Variants in PTPN12 observed in about 807,000 individuals in gnomAD.
PTPN12 encodes tyrosine-protein phosphatase non-receptor type 12.
A neutral mutation model predicts 97.6 loss-of-function variants in PTPN12; 29 were observed. The observed-to-expected ratio is 0.30, with a 90% CI of 0.22 to 0.41. The LOEUF (loss-of-function observed/expected upper bound fraction) is 0.41, where lower values mean the gene tolerates loss of function less well. Among genes scored for constraint, PTPN12 ranks in the 10% least tolerant of loss-of-function variants. The pLI is 1.00. For missense variants in PTPN12, 819 were observed against 926.0 expected, an observed-to-expected ratio of 0.88 and a Z score of 1.50; for synonymous variants, 327 against 300.4, an observed-to-expected ratio of 1.09 and a Z score of -0.91.
chr7:77,639,868 TAC>T lies in PTPN12; in HGVS notation c.*590_*591del, dbSNP rs1188832257. 5 of 152,724 alleles carry T rather than the reference TAC, an allele frequency of 3.3e-5. No individual in the cohort carries two copies. Among genetic ancestry groups the T allele is most frequent in the Non-Finnish European group, 7.3e-5 (5 of 68,076 alleles). The allele number at this position is 152,724 out of a possible 1,614,324, so 9.5% of individuals were successfully genotyped here. Reference sequence around the variant, plus strand: ...AGCAAAAAGTTATTTTTATATTATATACAGTCTAATTGTTCATCCTAATTGTT... The same window carrying T: ...AGCAAAAAGTTATTTTTATATTATATAGTCTAATTGTTCATCCTAATTGTT... On this transcript the variant is annotated 3_prime_UTR_variant, in exon 18 of 18. Transcript: ENST00000248594.
chr7:77,637,115 A>C, intron 16 of PTPN12, 67 bp downstream of exon 16: 1 of 1,279,194 alleles, frequency 7.8e-7, no homozygotes, highest in Admixed American at 1.9e-5. Context: ...ACAAAATAAC[A>C]TGCTTCATAG....
chr7:77,592,337 G>A, intron 6 of PTPN12, 81 bp downstream of exon 6: 1 of 1,224,788 alleles, frequency 8.2e-7, no homozygotes, highest in Non-Finnish European at 1.2e-6. Flanking sequence ...AATGTGGTAT[G>A]AACCCAGGCT....
chr7:77,634,539 A>G (rs1419252819), intron 14 of PTPN12, among the ~76,000 whole-genome samples: 3 of 151,150 alleles, frequency 2.0e-5, no homozygotes, highest in East Asian at 2.0e-4. Context: ...TCTTGGGTTC[A>G]TGCCATTCTC....
intron 1 of PTPN12, chr7:77,538,013 G>T (rs1806747362): frequency 9.8e-7 from 1 of 1,025,410 alleles, no homozygotes. Context: ...ACCTCCCCGC[G>T]CAGTTCGCTC....
chr7:77,575,222 G>A lies in PTPN12; in HGVS notation c.208+4036G>A, dbSNP rs1354100715. 2.6e-5 allele frequency among the ~76,000 whole-genome samples: 4 copies of A among 152,144 alleles called. No homozygotes were observed. In the South Asian group the frequency reaches 8.3e-4, roughly 32 times the overall value. On this transcript the variant is annotated intron_variant, in intron 2 of 17. Transcript: ENST00000248594. The stretch of plus-strand genomic sequence containing the variant: ...TTTAATTCATTGCCCGGGCACAGTG[G>A]CTCATGCATGTAATCCCAGCACTTT...
At chr7:77,635,003 G>C (rs752463839) in intron 14 of PTPN12, among the ~76,000 whole-genome samples, 11 of 151,910 alleles carry the variant, frequency 7.2e-5, no homozygotes, top group South Asian at 4.2e-4. Context: ...GGCATACACC[G>C]TCACTCCCAA....
At chr7:77,626,025 C>A (rs1789168204) in intron 12 of PTPN12, among the ~76,000 whole-genome samples, 1 of 152,140 alleles carries the variant, frequency 6.6e-6, no homozygotes, top group South Asian at 2.1e-4. Context: ...AACCAGTAGT[C>A]CACACTGGAG....
At chr7:77,564,749 T>TTTTTTTTTTG (rs1808171664) in intron 1 of PTPN12, among the ~76,000 whole-genome samples, 1 of 67,318 alleles carries the variant, frequency 1.5e-5, no homozygotes, top group African/African-American at 7.1e-5. Flanking sequence ...TTGTCGTGTT[T>TTTTTTTTTTG]TTTTTTTTTT....
intron 12 of PTPN12, among the ~76,000 whole-genome samples, chr7:77,619,300 A>G (rs1256022440): frequency 6.6e-6 from 1 of 152,178 alleles, no homozygotes; most frequent in East Asian, 1.9e-4. Flanking sequence ...TTTATACAGG[A>G]TACACCAATT....
chr7:77,621,616 C>T lies in PTPN12; in HGVS notation c.1025+3051C>T, dbSNP rs371650354. ...CCCGGGAAGTGGAGGTTGCAGTGAG[C>T]CAAGATTGCACCACTGGACTCCAGC... is the stretch of plus-strand genomic sequence containing the variant. On this transcript the variant is annotated intron_variant, in intron 12 of 17. Coordinates refer to ENST00000248594, the MANE Select transcript of PTPN12 (RefSeq NM_002835.4). Among the ~76,000 whole-genome samples the T allele has an allele frequency of 3.4e-3, 523 of 152,060 alleles. 4 individuals are homozygous for T. The highest frequency in any genetic ancestry group is 0.011 in the African/African-American group (442 of 41,466).
At chr7:77,597,494 A>C (rs1788058654) in intron 6 of PTPN12, among the ~76,000 whole-genome samples, 2 of 152,146 alleles carry the variant, frequency 1.3e-5, no homozygotes, top group African/African-American at 4.8e-5. Flanking sequence ...AGTAATGTGC[A>C]TTTAGGGTTC....
rs139289279 is a variant in PTPN12, at chr7:77,625,468, G to GCTCTCTCTCTCTCTCTCTCTCTCTCT, written c.1026-1234_1026-1233insTCTCTCTCTCTCTCTCTCTCTCTCTC. Among the ~76,000 whole-genome samples, 10 of 24,760 alleles carry GCTCTCTCTCTCTCTCTCTCTCTCTCT rather than the reference G, an allele frequency of 4.0e-4. 2 individuals carry two copies. Among genetic ancestry groups the GCTCTCTCTCTCTCTCTCTCTCTCTCT allele is most frequent in the African/African-American group, 2.5e-3 (10 of 4,062 alleles). 16.2% of individuals were successfully genotyped at this position (24,760 alleles called of 152,430 possible). On this transcript the variant is annotated intron_variant, in intron 12 of 17. Transcript: ENST00000248594. ...AGGGTTTTGCCATATTGCCCAGGCT[G>GCTCTCTCTCTCTCTCTCTCTCTCTCT]CTCGCTCTCTCTCTCTCTCTCTCTC... is the stretch of plus-strand genomic sequence containing the variant.
intron 1 of PTPN12, among the ~76,000 whole-genome samples, chr7:77,547,579 G>T (rs1010508047): frequency 9.2e-5 from 14 of 151,998 alleles, no homozygotes; most frequent in Non-Finnish European, 1.9e-4. Flanking sequence ...ATACCTACCT[G>T]GAAAGAACAA....
chr7:77,553,289 G>T (rs551508396), intron 1 of PTPN12, among the ~76,000 whole-genome samples: 52 of 152,296 alleles, frequency 3.4e-4, no homozygotes, highest in African/African-American at 1.1e-3. Context: ...GTCTATAGAC[G>T]TGCATTATAT....
intron 1 of PTPN12, among the ~76,000 whole-genome samples, chr7:77,563,295 C>T (rs973258351): frequency 2.6e-5 from 4 of 152,182 alleles, no homozygotes; most frequent in Non-Finnish European, 5.9e-5. Flanking sequence ...AGTTTATTTA[C>T]TCCCTACTAT....
chr7:77,550,808 T>A (rs117480496), intron 1 of PTPN12, among the ~76,000 whole-genome samples: 10,432 of 152,300 alleles, frequency 0.068, 506 homozygotes, highest in Non-Finnish European at 0.11. Flanking sequence ...GCAGATGTTG[T>A]CTTTCCTTGG....
chr7:77,605,409 G>GTTTTTTTTTTTTTTTT (rs751962814), intron 8 of PTPN12, among the ~76,000 whole-genome samples: 6 of 95,540 alleles, frequency 6.3e-5, no homozygotes, highest in African/African-American at 2.1e-4. Context: ...TTTGTCATGA[G>GTTTTTTTTTTTTTTTT]TTTTTTTTTT....
At chr7:77,555,073 G>GT (rs1314060837) in intron 1 of PTPN12, among the ~76,000 whole-genome samples, 2 of 152,034 alleles carry the variant, frequency 1.3e-5, no homozygotes, top group Non-Finnish European at 2.9e-5. Context: ...AAGTTGGTGG[G>GT]TTTTTTCTTC....
At chr7:77,639,009 C>T (rs557346846) in intron 17 of PTPN12, 3 of 667,220 alleles carry the variant, frequency 4.5e-6, no homozygotes, top group African/African-American at 3.7e-5. Context: ...TTATTTCCAG[C>T]ATAAGATTTT....
Sources: allele counts gnomAD v4.1 joint callset (sites outside exome capture counted in the v4.1 genomes callset), GRCh38; gene constraint gnomAD v4.1.1; transcripts MANE v1.5; gene names NCBI Gene and HGNC (gene_info 2026-07-23, HGNC 2026-07-21).